Variants in TRPM8 observed in about 807,000 individuals in gnomAD.
TRPM8 encodes the protein transient receptor potential cation channel subfamily M member 8.
A neutral mutation model predicts 133.7 loss-of-function variants in TRPM8; 110 were observed. The ratio of observed to expected loss-of-function variants is 0.82; its 90% CI spans 0.70 to 0.96. The LOEUF is 0.96. TRPM8 is among the 40% of genes least tolerant of loss of function. The pLI, the probability that TRPM8 is intolerant of heterozygous loss-of-function variation, is 0.00. For synonymous variants in TRPM8, 535 were observed against 532.3 expected (o/e 1.01, Z -0.07); for missense variants, 1,291 against 1,379.5 (o/e 0.94, Z 1.02).
At chr2:234,005,600 A>G (rs1020664018) in intron 22 of TRPM8, among the ~76,000 whole-genome samples, 1 of 152,120 alleles carries the variant, frequency 6.6e-6, no homozygotes, top group African/African-American at 2.4e-5. Context: ...ATAAATACAT[A>G]TTTGCTATGT....
intron 9 of TRPM8, among the ~76,000 whole-genome samples, chr2:233,952,947 A>AC (rs139378269): frequency 6.6e-6 from 1 of 151,970 alleles, no homozygotes; most frequent in East Asian, 1.9e-4. Context: ...TTCTAGCTGG[A>AC]CCCCTATTCT....
At position 233,966,894 on chromosome 2, in the gene TRPM8, T is replaced by G. The variant is rs796891260; in HGVS notation, c.2025+139T>G. The stretch of plus-strand genomic sequence containing the variant: ...CATAGAAGGAGTGGTTTGGTGATGA[T>G]GTGGGAGATGGCCAAGTATAGGCAT... On this transcript the variant is annotated intron_variant, in intron 15 of 25. Transcript: ENST00000324695. The G allele has an allele frequency of 7.6e-5, 85 of 1,111,482 alleles. 1 individual carries two copies. The African/African-American group carries it at 1.3e-3, about 17-fold the overall frequency. 68.9% of individuals were successfully genotyped at this position (1,111,482 alleles called of 1,614,324 possible). A position where few individuals can be genotyped will look rare whatever the true frequency, so the allele number is the denominator to read the frequency against.
intron 17 of TRPM8, 144 bp downstream of exon 17, chr2:233,970,570 AGT>A (rs1691689223): frequency 2.7e-6 from 2 of 744,112 alleles, no homozygotes; most frequent in Admixed American, 4.9e-5. Context: ...CTAGTCCATG[AGT>A]GTGAAGGTGC....
At chr2:233,971,860 A>G (rs1317306811) in intron 17 of TRPM8, among the ~76,000 whole-genome samples, 2 of 147,480 alleles carry the variant, frequency 1.4e-5, no homozygotes, top group African/African-American at 2.6e-5. Context: ...GCAGGTTGCC[A>G]CTGCTGGCTC....
At chr2:234,014,684 C>T in intron 25 of TRPM8, 30 bp downstream of exon 25, 2 of 830,952 alleles carry the variant, frequency 2.4e-6, no homozygotes, top group Non-Finnish European at 3.7e-6. Flanking sequence ...TTTTACTTTG[C>T]TCTGAAGATT....
At chr2:233,946,330 C>A (rs1448652966) in intron 7 of TRPM8, 3 of 264,856 alleles carry the variant, frequency 1.1e-5, no homozygotes, top group African/African-American at 2.2e-5. Context: ...CATTTAAGAA[C>A]AAATACGATC....
chr2:233,973,589 CCT>C (rs1691789299), intron 17 of TRPM8, among the ~76,000 whole-genome samples: 2 of 152,202 alleles, frequency 1.3e-5, no homozygotes, highest in Non-Finnish European at 2.9e-5. Context: ...CTGCAATGCC[CCT>C]GTTTCCAAAC....
chr2:233,917,836 A>T (rs1373526571), intron 1 of TRPM8, among the ~76,000 whole-genome samples: 1 of 152,196 alleles, frequency 6.6e-6, no homozygotes, highest in Non-Finnish European at 1.5e-5. Context: ...TTTTTCTTGA[A>T]TCAAGACTAT....
chr2:233,923,415 C>G (rs528834542), intron 1 of TRPM8, among the ~76,000 whole-genome samples: 111 of 152,278 alleles, frequency 7.3e-4, no homozygotes, highest in African/African-American at 2.6e-3. Flanking sequence ...CTAGCAATGG[C>G]CACAGCTAGG....
At chr2:234,006,532 C>G (rs890824511) in intron 22 of TRPM8, among the ~76,000 whole-genome samples, 6 of 152,192 alleles carry the variant, frequency 3.9e-5, no homozygotes, top group African/African-American at 1.4e-4. Flanking sequence ...GAGCACATAT[C>G]AAATGTGAGA....
At position 233,966,638 on chromosome 2, in the gene TRPM8, T is replaced by C. The variant is rs771058796; in HGVS notation, c.1908T>C (p.Asp636=). The C allele has an allele frequency of 6.2e-6, 10 of 1,614,004 alleles. No individual in the cohort carries two copies. Among genetic ancestry groups the C allele is most frequent in the Non-Finnish European group, 8.5e-6 (10 of 1,180,004 alleles). Residue 636 remains aspartate (D), a synonymous_variant, in exon 15 of 26, where the codon GAT becomes GAC. Coordinates refer to ENST00000324695, the MANE Select transcript of TRPM8 (RefSeq NM_024080.5). ...TGTTCACTGAGTGTTACAGCAGCGATGAAGACTTGGCAGAACAGCTGCTGG... is the reference window on the plus strand; with the variant it reads ...TGTTCACTGAGTGTTACAGCAGCGACGAAGACTTGGCAGAACAGCTGCTGG... The part of the protein sequence containing the change: ...VELFTECYSS[D]EDLAEQLLVY...
intron 22 of TRPM8, among the ~76,000 whole-genome samples, chr2:234,004,963 C>A (rs771587326): frequency 5.3e-5 from 8 of 152,156 alleles, no homozygotes; most frequent in Non-Finnish European, 1.2e-4. Context: ...AGTAGTATTC[C>A]AGCCTATGGA....
At chr2:233,987,887 C>T (rs1004931760) in intron 21 of TRPM8, among the ~76,000 whole-genome samples, 5 of 152,052 alleles carry the variant, frequency 3.3e-5, no homozygotes, top group Admixed American at 1.3e-4. Context: ...CTGCCATCCA[C>T]GTAAGACGTG....
intron 7 of TRPM8, 85 bp downstream of exon 7, chr2:233,946,115 G>A: frequency 7.5e-7 from 1 of 1,330,974 alleles, no homozygotes; most frequent in African/African-American, 1.4e-5. Context: ...CAACTATTGA[G>A]TGATGCGTGA....
intron 23 of TRPM8, 56 bp downstream of exon 23, chr2:234,007,008 T>A (rs1443755963): frequency 2.4e-5 from 33 of 1,353,562 alleles, no homozygotes; most frequent in Non-Finnish European, 3.4e-5. Context: ...CATAAGCCCA[T>A]AGAACGTAGG....
intron 9 of TRPM8, 99 bp downstream of exon 9, chr2:233,950,245 G>C: frequency 8.0e-7 from 1 of 1,244,164 alleles, no homozygotes. Flanking sequence ...AGCTGCACGT[G>C]TTTGGTATTT....
chr2:233,974,025 C>T (rs907512601), intron 17 of TRPM8, among the ~76,000 whole-genome samples: 2 of 152,312 alleles, frequency 1.3e-5, no homozygotes, highest in African/African-American at 4.8e-5. Flanking sequence ...GACAAAAAGA[C>T]AGCATTCCCA....
rs751658692 is a variant in TRPM8 at position 234,006,908 on chromosome 2, C to T, written c.3186C>T (p.Asn1062=). 3 of 1,613,982 alleles carry T rather than the reference C, an allele frequency of 1.9e-6. No individual in the cohort carries two copies. The highest frequency in any genetic ancestry group is 3.3e-5 in the Admixed American group (2 of 60,018). ...TLAWEGVMKE[N]YLVKINTKAN... ...CATGGGAGGGTGTCATGAAGGAAAACTACCTTGTCAAGATCAACACAAAAG... is the reference window on the plus strand; with the variant it reads ...CATGGGAGGGTGTCATGAAGGAAAATTACCTTGTCAAGATCAACACAAAAG... The change falls in exon 23 of 26, where the codon AAC becomes AAT. Residue 1062 remains asparagine, a synonymous_variant. Transcript: ENST00000324695.
At chr2:234,016,672 A>G (rs1258783328) in intron 25 of TRPM8, among the ~76,000 whole-genome samples, 1 of 151,890 alleles carries the variant, frequency 6.6e-6, no homozygotes, top group Non-Finnish European at 1.5e-5. Context: ...ATAATTGTCT[A>G]TTTTTTTTCC....
Sources: gnomAD v4.1 joint callset for allele counts (sites outside exome capture counted in the v4.1 genomes callset) on GRCh38, gnomAD v4.1.1 for gene constraint, MANE v1.5 for transcripts, NCBI Gene and HGNC (gene_info 2026-07-23, HGNC 2026-07-21) for gene names.